Variants in KCNK10 observed in about 807,000 individuals in gnomAD.
The protein encoded by KCNK10 is potassium two pore domain channel subfamily K member 10.
A neutral mutation model predicts 47.7 loss-of-function variants in KCNK10; 25 were observed. The ratio of observed to expected loss-of-function variants is 0.52; its 90% CI spans 0.38 to 0.73. The LOEUF (loss-of-function observed/expected upper bound fraction) is 0.73, where lower values mean the gene tolerates loss of function less well. Among genes scored for constraint, KCNK10 ranks in the 30% least tolerant of loss-of-function variants. The probability of loss-of-function intolerance (pLI) is 0.00; values close to 1 mark genes in which losing one functional copy is unlikely to be tolerated. For synonymous variants in KCNK10, 303 were observed against 285.6 expected, an observed-to-expected ratio of 1.06 and a Z score of -0.61; for missense variants, 563 against 714.5, an observed-to-expected ratio of 0.79 and a Z score of 2.42.
At chr14:88,218,453 G>C (rs139192421) in intron 4 of KCNK10, among the ~76,000 whole-genome samples, 1 of 151,898 alleles carries the variant, frequency 6.6e-6, no homozygotes, top group Non-Finnish European at 1.5e-5. Flanking sequence ...TTTGGCACTC[G>C]TAAGTCTAGG....
chr14:88,226,497 G>C (rs1041728778), intron 4 of KCNK10, among the ~76,000 whole-genome samples: 1 of 152,162 alleles, frequency 6.6e-6, no homozygotes, highest in Non-Finnish European at 1.5e-5. Context: ...TAAATATTAA[G>C]TCATCATAAG....
intron 1 of KCNK10, among the ~76,000 whole-genome samples, chr14:88,318,648 C>T (rs545556228): frequency 6.6e-6 from 1 of 152,214 alleles, no homozygotes; most frequent in East Asian, 1.9e-4. Flanking sequence ...CAGACAGATG[C>T]AAGTGTGATC....
At chr14:88,217,385 C>T (rs928776218) in intron 4 of KCNK10, among the ~76,000 whole-genome samples, 4 of 152,174 alleles carry the variant, frequency 2.6e-5, no homozygotes, top group Middle Eastern at 3.2e-3. Context: ...CTGCCCTCCT[C>T]CCCTGCCTCT....
intron 2 of KCNK10, among the ~76,000 whole-genome samples, chr14:88,244,797 T>C (rs1011728673): frequency 6.6e-6 from 1 of 152,212 alleles, no homozygotes; most frequent in African/African-American, 2.4e-5. Context: ...TCAAAAGATG[T>C]TACAGGGTAG....
chr14:88,311,576 C>A (rs374180562), intron 1 of KCNK10, among the ~76,000 whole-genome samples: 9 of 152,182 alleles, frequency 5.9e-5, no homozygotes, highest in Admixed American at 2.0e-4. Context: ...AGGAGTGTTA[C>A]TGGAAACTTT....
chr14:88,206,756 T>C (rs1472971055), intron 4 of KCNK10, among the ~76,000 whole-genome samples: 1 of 152,250 alleles, frequency 6.6e-6, no homozygotes, highest in Non-Finnish European at 1.5e-5. Context: ...TTTCCATTTA[T>C]TTCTCCTTTA....
At chr14:88,216,819 G>A (rs1360598177) in intron 4 of KCNK10, among the ~76,000 whole-genome samples, 1 of 152,198 alleles carries the variant, frequency 6.6e-6, no homozygotes, top group East Asian at 1.9e-4. Context: ...GGAAAAGGAA[G>A]AAAGCAATTG....
At chr14:88,217,992 G>A (rs1161856700) in intron 4 of KCNK10, among the ~76,000 whole-genome samples, 1 of 151,756 alleles carries the variant, frequency 6.6e-6, no homozygotes, top group Admixed American at 6.6e-5. Context: ...CAAAGTGCTG[G>A]GATTACAGGC....
chr14:88,282,184 T>C (rs1887665916), intron 1 of KCNK10, among the ~76,000 whole-genome samples: 1 of 152,190 alleles, frequency 6.6e-6, no homozygotes. Context: ...TAATAGTTAT[T>C]TACTTAAAAA....
rs183293217 is a variant in KCNK10, at chr14:88,193,224, T to G, written c.682-814A>C. Among the ~76,000 whole-genome samples the G allele has an allele frequency of 2.5e-3, 387 of 152,250 alleles. 3 individuals are homozygous for G. The highest frequency in any genetic ancestry group is 8.9e-3 in the African/African-American group (370 of 41,546). On this transcript the variant is annotated intron_variant, in intron 4 of 6. Transcript: ENST00000319231. ...TTTGGGGCTTTGAAATTTTTATACA[T>G]CTCTGCAAACAAATCTCATCTCATG...
In KCNK10 at chr14:88,260,711, A is replaced by G. The variant is rs1237441392; in HGVS notation, c.402+2491T>C. 2.0e-5 allele frequency among the ~76,000 whole-genome samples: 3 copies of G among 152,232 alleles called. No homozygotes were observed. The highest frequency in any genetic ancestry group is 2.0e-4 in the Admixed American group (3 of 15,280). On this transcript the variant is annotated intron_variant, in intron 2 of 6. Coordinates refer to ENST00000319231, the MANE Select transcript of KCNK10 (RefSeq NM_138317.3). The surrounding 1 kb of genome is among the most constrained non-coding windows in gnomAD (Gnocchi z 4.5). ...ATATGAACTTAGAGTGTTGTTGATA[A>G]GATTAAATGAGATAATGGGTATATG...
chr14:88,201,530 G>C (rs919440085), intron 4 of KCNK10, among the ~76,000 whole-genome samples: 1 of 152,012 alleles, frequency 6.6e-6, no homozygotes, highest in South Asian at 2.1e-4. Context: ...TGTGGTGGCA[G>C]GTACCTGTAA....
upstream of KCNK10, chr14:88,326,425 A>G (rs1453630195): frequency 3.1e-6 from 5 of 1,613,390 alleles, no homozygotes. Context: ...TTACCCAAGG[A>G]AAGAAAGAAG....
chr14:88,292,924 G>A (rs1339557335), intron 1 of KCNK10, among the ~76,000 whole-genome samples: 1 of 152,170 alleles, frequency 6.6e-6, no homozygotes, highest in African/African-American at 2.4e-5. Flanking sequence ...TCACCCGGCT[G>A]AAAGAGAGCT....
chr14:88,229,429 A>AG lies in KCNK10; in HGVS notation c.521-1895dup, dbSNP rs201981616. Reference sequence around the variant, plus strand: ...TGTCAGAGGTACTCAAGGAAAATGCAGGGAGAAAAAAATCAATGGACTGTA... The same window carrying AG: ...TGTCAGAGGTACTCAAGGAAAATGCAGGGGAGAAAAAAATCAATGGACTGTA... On this transcript the variant is annotated intron_variant, in intron 3 of 6. Coordinates refer to ENST00000319231, the MANE Select transcript of KCNK10 (RefSeq NM_138317.3). Among the ~76,000 whole-genome samples, 1,045 of 152,228 alleles carry AG rather than the reference A, an allele frequency of 6.9e-3. 18 individuals are homozygous for AG. Among genetic ancestry groups the AG allele is most frequent in the African/African-American group, 0.023 (966 of 41,524 alleles).
intron 1 of KCNK10, among the ~76,000 whole-genome samples, chr14:88,275,431 C>T (rs781708371): frequency 6.6e-6 from 1 of 152,144 alleles, no homozygotes; most frequent in South Asian, 2.1e-4. Context: ...GCCATCATCT[C>T]CATTCCATCT....
chr14:88,266,240 G>A (rs769675636), intron 1 of KCNK10, among the ~76,000 whole-genome samples: 6 of 152,234 alleles, frequency 3.9e-5, no homozygotes, highest in Admixed American at 6.5e-5. Context: ...ACGTGGATGA[G>A]CAGCGTCAAA....
At chr14:88,229,887 C>T (rs1047187033) in intron 3 of KCNK10, among the ~76,000 whole-genome samples, 3 of 152,152 alleles carry the variant, frequency 2.0e-5, no homozygotes, top group Admixed American at 6.5e-5. Flanking sequence ...CTGCCCTGCT[C>T]ATCCTTCTAG....
At chr14:88,321,690 T>G (rs1353459571) in intron 1 of KCNK10, among the ~76,000 whole-genome samples, 1 of 152,256 alleles carries the variant, frequency 6.6e-6, no homozygotes, top group African/African-American at 2.4e-5. Flanking sequence ...AGTCAATTCC[T>G]AAGACATTTA....
Sources: gnomAD v4.1 joint callset for allele counts (sites outside exome capture counted in the v4.1 genomes callset) on GRCh38, gnomAD v4.1.1 for gene constraint, Gnocchi (gnomAD v3.1) non-coding constraint, MANE v1.5 for transcripts, NCBI Gene and HGNC (gene_info 2026-07-23, HGNC 2026-07-21) for gene names.